Variants in CYYR1 observed in about 807,000 individuals in gnomAD.
CYYR1 encodes the protein cysteine and tyrosine rich 1.
Under a neutral mutation model 15.2 loss-of-function variants are expected in CYYR1, and 14 were observed. The ratio of observed to expected loss-of-function variants is 0.92; its 90% CI spans 0.61 to 1.44. The LOEUF (loss-of-function observed/expected upper bound fraction) is 1.44. CYYR1 is among the 40% of genes most tolerant of loss of function. The pLI, the probability that CYYR1 is intolerant of heterozygous loss-of-function variation, is 0.00. For missense variants in CYYR1, 228 were observed against 209.5 expected (o/e 1.09, Z -0.54); for synonymous variants, 80 against 77.4 (o/e 1.03, Z -0.18).
intron 2 of CYYR1, among the ~76,000 whole-genome samples, chr21:26,498,778 C>T (rs936566296): frequency 3.3e-5 from 5 of 152,234 alleles, no homozygotes; most frequent in Non-Finnish European, 5.9e-5. Context: ...GAAGCAAACA[C>T]GTTCTTCTTC....
intron 2 of CYYR1, among the ~76,000 whole-genome samples, chr21:26,545,383 C>T (rs913586624): frequency 2.6e-5 from 4 of 152,014 alleles, no homozygotes; most frequent in African/African-American, 7.2e-5. Context: ...CCCTGACCAT[C>T]CAGTGGGAAG....
At chr21:26,567,176 T>G (rs1980691061) in intron 1 of CYYR1, among the ~76,000 whole-genome samples, 1 of 152,226 alleles carries the variant, frequency 6.6e-6, no homozygotes, top group Admixed American at 6.5e-5. Context: ...TTGGTGACTT[T>G]TTTTTACCTG....
At chr21:26,537,172 G>C (rs1247742451) in intron 2 of CYYR1, among the ~76,000 whole-genome samples, 1 of 152,112 alleles carries the variant, frequency 6.6e-6, no homozygotes, top group Non-Finnish European at 1.5e-5. Context: ...TAGATAGAAA[G>C]CATGGCATAT....
chr21:26,506,514 G>A (rs1240870285), intron 2 of CYYR1: 2 of 152,102 alleles, frequency 1.3e-5, no homozygotes, highest in Non-Finnish European at 2.9e-5. Flanking sequence ...TGAACTCTAG[G>A]GGCAGCTACA....
chr21:26,474,738 T>C (rs2065081558), intron 3 of CYYR1, among the ~76,000 whole-genome samples: 2 of 152,204 alleles, frequency 1.3e-5, no homozygotes, highest in South Asian at 4.1e-4. Context: ...ATAATAGTGC[T>C]ATTTTGTAAA....
At chr21:26,480,235 C>T (rs759833470) in intron 3 of CYYR1, 37 bp downstream of exon 3, 2 of 1,565,786 alleles carry the variant, frequency 1.3e-6, no homozygotes, top group Non-Finnish European at 1.7e-6. Context: ...GGATAACTAG[C>T]AAATCTGAGC....
chr21:26,511,553 G>T (rs958029865), intron 2 of CYYR1, among the ~76,000 whole-genome samples: 5 of 152,174 alleles, frequency 3.3e-5, no homozygotes, highest in African/African-American at 1.2e-4. Flanking sequence ...TCACTGAATC[G>T]ATATTCTGAA....
intron 2 of CYYR1, among the ~76,000 whole-genome samples, chr21:26,492,665 A>G (rs2123448360): frequency 6.6e-6 from 1 of 152,174 alleles, no homozygotes; most frequent in South Asian, 2.1e-4. Flanking sequence ...CGTTTGCAGG[A>G]GTGAGGCTAC....
intron 2 of CYYR1, among the ~76,000 whole-genome samples, chr21:26,490,866 C>T (rs978321503): frequency 6.6e-6 from 1 of 152,088 alleles, no homozygotes. Flanking sequence ...GCCAGACACT[C>T]TACTAAGCAC....
At chr21:26,544,128 T>C (rs1978781726) in intron 2 of CYYR1, among the ~76,000 whole-genome samples, 1 of 152,200 alleles carries the variant, frequency 6.6e-6, no homozygotes, top group African/African-American at 2.4e-5. Flanking sequence ...TTAATGGCGA[T>C]ATTTTACCGT....
intron 2 of CYYR1, among the ~76,000 whole-genome samples, chr21:26,486,385 C>G (rs1383374894): frequency 6.6e-6 from 1 of 151,950 alleles, no homozygotes; most frequent in African/African-American, 2.4e-5. Flanking sequence ...TTCTAAAAGA[C>G]TGATTATTTT....
chr21:26,544,983 T>G (rs950835611), intron 2 of CYYR1, among the ~76,000 whole-genome samples: 2 of 152,022 alleles, frequency 1.3e-5, no homozygotes, highest in African/African-American at 4.8e-5. Flanking sequence ...AGATAAATTA[T>G]GATTTGAGTA....
In CYYR1 at chr21:26,468,315, T is replaced by C; in HGVS notation, c.*186A>G. The C allele has an allele frequency of 3.2e-6, 2 of 631,222 alleles. No homozygotes were observed. The highest frequency in any genetic ancestry group is 5.7e-6 in the Non-Finnish European group (2 of 348,140). 39.1% of individuals were successfully genotyped at this position (631,222 alleles called of 1,614,324 possible). A position where few individuals can be genotyped will look rare whatever the true frequency, so the allele number is the denominator to read the frequency against. On this transcript the variant is annotated 3_prime_UTR_variant, in exon 4 of 4. Transcript: ENST00000652641. Reference sequence around the variant, plus strand: ...GTTCCATAGAACCAAACATTAATACTCCAGATGGGGTCAGCTTTGAGCAGA... The same window carrying C: ...GTTCCATAGAACCAAACATTAATACCCCAGATGGGGTCAGCTTTGAGCAGA...
At chr21:26,507,588 T>G (rs2065585792) in intron 2 of CYYR1, among the ~76,000 whole-genome samples, 1 of 152,176 alleles carries the variant, frequency 6.6e-6, no homozygotes, top group Non-Finnish European at 1.5e-5. Context: ...AGCAAGGCAA[T>G]TATTTAATAG....
intron 2 of CYYR1, among the ~76,000 whole-genome samples, chr21:26,536,779 A>G (rs73351159): frequency 0.022 from 3,349 of 151,934 alleles, 125 homozygotes; most frequent in African/African-American, 0.076. Context: ...GTCTGTTTTC[A>G]TCTGTTCCTT....
chr21:26,504,148 G>A (rs222971), intron 2 of CYYR1, among the ~76,000 whole-genome samples: 71,826 of 151,958 alleles, frequency 0.47, 17,750 homozygotes, highest in African/African-American at 0.58. Context: ...AGTATCTCAC[G>A]ATATGATGGC....
rs554510051 is a variant in CYYR1 at position 26,526,607 on chromosome 21, A to G, written c.176+39659T>C. The stretch of plus-strand genomic sequence containing the variant: ...ATATGATAATTTCAAAAGTATTTAA[A>G]ATAATTAACGGTTTCAAAAGAAATA... On this transcript the variant is annotated intron_variant, in intron 2 of 3. Transcript: ENST00000652641. Among the ~76,000 whole-genome samples, 8 of 152,354 alleles carry G rather than the reference A, an allele frequency of 5.3e-5. No individual in the cohort carries two copies. The East Asian group carries it at 1.5e-3, about 29-fold the overall frequency.
chr21:26,525,056 T>C (rs2065847121), intron 2 of CYYR1, among the ~76,000 whole-genome samples: 1 of 152,166 alleles, frequency 6.6e-6, no homozygotes, highest in African/African-American at 2.4e-5. Flanking sequence ...CATGAAATCC[T>C]CAGTACCATC....
intron 2 of CYYR1, among the ~76,000 whole-genome samples, chr21:26,504,080 C>T (rs1486736847): frequency 6.6e-6 from 1 of 152,112 alleles, no homozygotes; most frequent in African/African-American, 2.4e-5. Context: ...AGAATTCCAT[C>T]TCAACTTGAG....
Sources: allele counts gnomAD v4.1 joint callset (sites outside exome capture counted in the v4.1 genomes callset), GRCh38; gene constraint gnomAD v4.1.1; transcripts MANE v1.5; gene names NCBI Gene and HGNC (gene_info 2026-07-23, HGNC 2026-07-21).